Variants in RAB3C observed in about 807,000 individuals in gnomAD.
The protein encoded by RAB3C is ras-related protein Rab-3C.
In RAB3C, 17 loss-of-function variants were observed where a neutral mutation model predicts 26.4. That is an observed-to-expected ratio of 0.64 (90% CI 0.44 to 0.97). The LOEUF (loss-of-function observed/expected upper bound fraction) is 0.97. RAB3C is among the 50% of genes least tolerant of loss of function. RAB3C has a pLI of 0.00. For synonymous variants in RAB3C, 91 were observed against 95.9 expected, an observed-to-expected ratio of 0.95 and a Z score of 0.30; for missense variants, 242 against 281.9, an observed-to-expected ratio of 0.86 and a Z score of 1.01.
At chr5:58,797,831 A>T (rs1742708723) in intron 3 of RAB3C, among the ~76,000 whole-genome samples, 1 of 152,192 alleles carries the variant, frequency 6.6e-6, no homozygotes, top group African/African-American at 2.4e-5. Flanking sequence ...CATAGGCAAG[A>T]TAAGATTTGG....
chr5:58,826,204 C>T (rs1743472378), intron 4 of RAB3C, among the ~76,000 whole-genome samples: 1 of 151,712 alleles, frequency 6.6e-6, no homozygotes, highest in African/African-American at 2.4e-5. Flanking sequence ...AATGAATACA[C>T]CAAGAGGAAG....
chr5:58,594,393 A>T (rs1746199978), intron 1 of RAB3C, among the ~76,000 whole-genome samples: 1 of 152,154 alleles, frequency 6.6e-6, no homozygotes. Flanking sequence ...GAAACACAGC[A>T]CACCTGTGAT....
intron 3 of RAB3C, among the ~76,000 whole-genome samples, chr5:58,732,394 C>G (rs1447698839): frequency 4.6e-5 from 7 of 151,980 alleles, no homozygotes; most frequent in Admixed American, 4.6e-4. Context: ...AACTTCAAAA[C>G]AGTTTTTGTT....
chr5:58,769,442 G>C (rs1453301688), intron 3 of RAB3C, among the ~76,000 whole-genome samples: 1 of 151,970 alleles, frequency 6.6e-6, no homozygotes, highest in African/African-American at 2.4e-5. Flanking sequence ...ACATGTGTTT[G>C]TTCTTTCCTT....
chr5:58,755,095 A>G (rs1164655170), intron 3 of RAB3C, among the ~76,000 whole-genome samples: 1 of 152,206 alleles, frequency 6.6e-6, no homozygotes, highest in South Asian at 2.1e-4. Flanking sequence ...AACAACTCCA[A>G]AAGAATTGCA....
intron 2 of RAB3C, among the ~76,000 whole-genome samples, chr5:58,629,293 C>T (rs576779292): frequency 1.9e-4 from 29 of 152,110 alleles, no homozygotes; most frequent in South Asian, 4.1e-4. Context: ...GTAGTATAGA[C>T]GCCCCTGGGC....
intron 2 of RAB3C, among the ~76,000 whole-genome samples, chr5:58,682,414 G>A (rs1426973808): frequency 2.0e-5 from 3 of 152,146 alleles, no homozygotes; most frequent in Admixed American, 2.0e-4. Context: ...GCTGGGCGTG[G>A]TGGCTCACAC....
intron 4 of RAB3C, among the ~76,000 whole-genome samples, chr5:58,849,983 G>T (rs1744080291): frequency 6.6e-6 from 1 of 152,288 alleles, no homozygotes; most frequent in East Asian, 1.9e-4. Flanking sequence ...GATGTAACCA[G>T]AAGGATTTAT....
intron 2 of RAB3C, among the ~76,000 whole-genome samples, chr5:58,648,535 A>G (rs1199534809): frequency 6.6e-6 from 1 of 152,202 alleles, no homozygotes; most frequent in Non-Finnish European, 1.5e-5. Context: ...GAAAATAAAA[A>G]CAAAATATTC....
intron 2 of RAB3C, among the ~76,000 whole-genome samples, chr5:58,638,035 A>G (rs1747325163): frequency 6.6e-6 from 1 of 152,120 alleles, no homozygotes; most frequent in Non-Finnish European, 1.5e-5. Context: ...ATAAATAATG[A>G]TAATTTTCAA....
chr5:58,743,736 C>T (rs1324592784), intron 3 of RAB3C, among the ~76,000 whole-genome samples: 3 of 152,132 alleles, frequency 2.0e-5, no homozygotes, highest in African/African-American at 7.2e-5. Flanking sequence ...CTGCAAAGGA[C>T]ACAGCATCAG....
chr5:58,737,366 CT>C, intron 3 of RAB3C, among the ~76,000 whole-genome samples: 1 of 125,854 alleles, frequency 7.9e-6, no homozygotes, highest in South Asian at 2.6e-4. Context: ...TGTTTTATGT[CT>C]TTTTCACAGC....
chr5:58,808,985 T>G (rs574604651), intron 3 of RAB3C, among the ~76,000 whole-genome samples: 2 of 152,218 alleles, frequency 1.3e-5, no homozygotes, highest in Non-Finnish European at 2.9e-5. Context: ...TTATCTCCAG[T>G]GCATTTGCAT....
intron 4 of RAB3C, among the ~76,000 whole-genome samples, chr5:58,839,345 TTTATTTTATTTA>T (rs1327274264): frequency 1.7e-4 from 8 of 47,710 alleles, no homozygotes; most frequent in South Asian, 1.7e-3. Flanking sequence ...ATGATAAGTT[TTTATTTTATTTA>T]TTTATTTATT....
intron 3 of RAB3C, among the ~76,000 whole-genome samples, chr5:58,820,450 G>A (rs553751362): frequency 3.5e-4 from 53 of 152,264 alleles, no homozygotes; most frequent in Non-Finnish European, 7.2e-4. Flanking sequence ...CTCTGCTGGT[G>A]CAGAACAACA....
intron 3 of RAB3C, chr5:58,823,100 C>CA (rs1743380361): frequency 6.1e-6 from 3 of 488,682 alleles, no homozygotes; most frequent in Admixed American, 4.6e-5. Context: ...GCATGGGAAA[C>CA]ACATCATGGG....
intron 3 of RAB3C, among the ~76,000 whole-genome samples, chr5:58,822,337 C>T (rs1382579436): frequency 6.6e-6 from 1 of 152,212 alleles, no homozygotes; most frequent in African/African-American, 2.4e-5. Context: ...TCATTTTCCT[C>T]AACTGTAAAA....
At chr5:58,583,318 G>C in intron 1 of RAB3C, 86 bp downstream of exon 1, 1 of 1,598,360 alleles carries the variant, frequency 6.3e-7, no homozygotes. Flanking sequence ...TTCAACGTAA[G>C]GAAAGGTCTA....
rs1445706129 is a variant in RAB3C at position 58,856,524 on chromosome 5, A to AT, written c.*5175dup. 3 of 152,130 alleles carry AT rather than the reference A, an allele frequency of 2.0e-5. No individual in the cohort carries two copies. Among genetic ancestry groups the AT allele is most frequent in the Non-Finnish European group, 4.4e-5 (3 of 68,046 alleles). 9.4% of individuals were successfully genotyped at this position (152,130 alleles called of 1,614,324 possible). On this transcript the variant is annotated 3_prime_UTR_variant, in exon 5 of 5. Coordinates refer to ENST00000282878, the MANE Select transcript of RAB3C (RefSeq NM_138453.4). ...CACCATTTACTTCCCATCAGCAACC[A>AT]TTACTGGTGGAGTTTCAAACAGTCA... is the stretch of plus-strand genomic sequence containing the variant.
Sources: allele counts gnomAD v4.1 joint callset (sites outside exome capture counted in the v4.1 genomes callset), GRCh38; gene constraint gnomAD v4.1.1; transcripts MANE v1.5; gene names NCBI Gene and HGNC (gene_info 2026-07-23, HGNC 2026-07-21).